SLA: variants seen among roughly 807,000 people sequenced by gnomAD.
SLA encodes the protein Src like adaptor, also known as src-like-adapter.
A neutral mutation model predicts 30.3 loss-of-function variants in SLA; 16 were observed. The ratio of observed to expected loss-of-function variants is 0.53; its 90% confidence interval spans 0.36 to 0.80. The LOEUF is 0.80. Among genes scored for constraint, SLA ranks in the 30% least tolerant of loss-of-function variants. The probability of loss-of-function intolerance (pLI) is 0.01; values close to 1 mark genes in which losing one functional copy is unlikely to be tolerated. For missense variants in SLA, 310 were observed against 345.2 expected, an observed-to-expected ratio of 0.90 and a Z score of 0.81; for synonymous variants, 143 against 137.8, an observed-to-expected ratio of 1.04 and a Z score of -0.26.
In SLA at chr8:133,065,442, C is replaced by T. The variant is rs1842907937; in HGVS notation, c.-40-5242G>A. On this transcript the variant is annotated intron_variant, in intron 2 of 8. Transcript: ENST00000338087. The stretch of plus-strand genomic sequence containing the variant: ...ACAGAAAAGAAGAGATTTTCAAACC[C>T]AAGAAGGCAACAGAAAAGTGATTTT... 2.0e-5 allele frequency among the ~76,000 whole-genome samples: 3 copies of T among 152,320 alleles called. No individual in the cohort carries two copies. The South Asian group carries it at 6.2e-4, about 32-fold the overall frequency.
intron 1 of SLA, among the ~76,000 whole-genome samples, chr8:133,077,372 C>T (rs1231588115): frequency 2.0e-5 from 3 of 152,182 alleles, no homozygotes; most frequent in East Asian, 1.9e-4. Flanking sequence ...GCCGCAGGCT[C>T]TTCTCTGTTT....
intron 3 of SLA, among the ~76,000 whole-genome samples, chr8:133,059,490 C>T (rs943491497): frequency 2.0e-5 from 3 of 152,122 alleles, no homozygotes; most frequent in Admixed American, 6.5e-5. Context: ...CTAACCAAAC[C>T]TGACATCTCT....
intron 1 of SLA, among the ~76,000 whole-genome samples, chr8:133,091,897 G>A (rs1847606095): frequency 1.3e-5 from 2 of 151,856 alleles, no homozygotes; most frequent in Admixed American, 1.3e-4. Context: ...CTCTATCTAT[G>A]ACTGTGTGTC....
chr8:133,038,291 A>G lies in SLA; in HGVS notation c.*233T>C. The G allele has an allele frequency of 1.8e-6, 1 of 569,086 alleles. No homozygotes were observed. Among genetic ancestry groups the G allele is most frequent in the Non-Finnish European group, 3.1e-6 (1 of 318,030 alleles). 35.3% of individuals were successfully genotyped at this position (569,086 alleles called of 1,614,324 possible). On this transcript the variant is annotated 3_prime_UTR_variant, in exon 9 of 9. Coordinates refer to ENST00000338087, the MANE Select transcript of SLA (RefSeq NM_001045556.3). ...TGGGCTCTTCCAAGCATCGCCCGAC[A>G]TGTCATGATCCAATGTTTCGTGATG...
chr8:133,061,348 A>T (rs1842346260), intron 2 of SLA, among the ~76,000 whole-genome samples: 1 of 152,190 alleles, frequency 6.6e-6, no homozygotes, highest in Admixed American at 6.5e-5. Flanking sequence ...GGGAACACTA[A>T]TTGAACAGTG....
At chr8:133,075,483 G>A (rs1844729439) in intron 1 of SLA, among the ~76,000 whole-genome samples, 1 of 152,148 alleles carries the variant, frequency 6.6e-6, no homozygotes, top group Non-Finnish European at 1.5e-5. Context: ...ATTATGAGAT[G>A]GCAGTTGTTT....
chr8:133,095,095 C>T, intron 1 of SLA: 1 of 1,614,224 alleles, frequency 6.2e-7, no homozygotes, highest in Non-Finnish European at 8.5e-7. Flanking sequence ...GAGGGCTCAG[C>T]AGCAGGCAAT....
intron 3 of SLA, among the ~76,000 whole-genome samples, chr8:133,056,321 C>T (rs1019733810): frequency 6.6e-6 from 1 of 152,152 alleles, no homozygotes; most frequent in African/African-American, 2.4e-5. Flanking sequence ...GTACCAGCAG[C>T]GAGGTTAGAT....
chr8:133,067,882 G>T (rs1310899078), intron 2 of SLA, among the ~76,000 whole-genome samples: 1 of 21,086 alleles, frequency 4.7e-5, no homozygotes, highest in East Asian at 1.3e-3. Flanking sequence ...AAGGAAGGAA[G>T]GAAGTATGTA....
chr8:133,069,499 C>T (rs372262693), intron 2 of SLA, among the ~76,000 whole-genome samples: 6,177 of 152,226 alleles, frequency 0.041, 390 homozygotes, highest in African/African-American at 0.13. Context: ...TGTGCTCCTC[C>T]TTAGCTCCTG....
chr8:133,047,599 A>T (rs1839667651), intron 6 of SLA: 2 of 557,796 alleles, frequency 3.6e-6, no homozygotes, highest in Admixed American at 3.1e-5. Context: ...ATCAGGCCTG[A>T]TGTTGGCCAG....
intron 1 of SLA, among the ~76,000 whole-genome samples, chr8:133,091,723 T>A (rs1379023683): frequency 6.6e-6 from 1 of 152,052 alleles, no homozygotes; most frequent in Non-Finnish European, 1.5e-5. Flanking sequence ...TATGTGAGTG[T>A]GTGTCTATGT....
intron 4 of SLA, 149 bp from the exon 5 acceptor site, chr8:133,050,137 C>G: frequency 1.5e-6 from 1 of 664,194 alleles, no homozygotes; most frequent in Admixed American, 2.3e-5. Flanking sequence ...CATATTTCGT[C>G]ATCTGAAAAT....
At chr8:133,066,961 G>C (rs1440040008) in intron 2 of SLA, among the ~76,000 whole-genome samples, 1 of 152,164 alleles carries the variant, frequency 6.6e-6, no homozygotes, top group Non-Finnish European at 1.5e-5. Flanking sequence ...ATGGGGAAAG[G>C]GTTGGGCTGA....
intron 1 of SLA, among the ~76,000 whole-genome samples, chr8:133,099,224 C>A (rs906434648): frequency 6.6e-6 from 1 of 152,236 alleles, no homozygotes; most frequent in African/African-American, 2.4e-5. Context: ...TCCCAGACAC[C>A]AATCACAGGG....
At chr8:133,102,430 A>T in intron 1 of SLA, 123 bp downstream of exon 1, 1 of 844,586 alleles carries the variant, frequency 1.2e-6, no homozygotes, top group Non-Finnish European at 1.9e-6. Context: ...TTTTCTTCAG[A>T]CCAAAGACGG....
intron 7 of SLA, 85 bp downstream of exon 7, chr8:133,044,899 C>A (rs1345662879): frequency 5.0e-6 from 7 of 1,394,454 alleles, no homozygotes; most frequent in Non-Finnish European, 7.1e-6. Flanking sequence ...CAAGACCCCT[C>A]TGCATTCCAG....
chr8:133,050,628 C>A, intron 4 of SLA, 188 bp downstream of exon 4: 1 of 536,892 alleles, frequency 1.9e-6, no homozygotes, highest in Non-Finnish European at 3.3e-6. Context: ...CAGTGGGGAG[C>A]TATGGAAGGT....
At chr8:133,050,454 C>G (rs1443705234) in intron 4 of SLA, 1 of 245,478 alleles carries the variant, frequency 4.1e-6, no homozygotes, top group Non-Finnish European at 8.0e-6. Context: ...TTTGTTTTTT[C>G]TCATCCGAAG....
Sources: allele counts gnomAD v4.1 joint callset (sites outside exome capture counted in the v4.1 genomes callset), GRCh38; gene constraint gnomAD v4.1.1; transcripts MANE v1.5; gene names NCBI Gene and HGNC (gene_info 2026-07-23, HGNC 2026-07-21).